The following U2SURP variants were observed in gnomAD, a reference collection of about 807,000 sequenced individuals.
The protein encoded by U2SURP is U2 snRNP-associated SURP motif-containing protein.
U2SURP carries 9 observed loss-of-function variants against 144.9 expected under a neutral mutation model. That is an observed-to-expected ratio of 0.06 (90% CI 0.04 to 0.11). U2SURP has a LOEUF of 0.11. Ranked by LOEUF, U2SURP falls within the 10% of genes least tolerant of loss-of-function variation. U2SURP has a pLI of 1.00. For missense variants in U2SURP, 724 were observed against 1,226.7 expected, an observed-to-expected ratio of 0.59 and a Z score of 6.12; for synonymous variants, 408 against 396.8, an observed-to-expected ratio of 1.03 and a Z score of -0.33.
intron 8 of U2SURP, 95 bp from the exon 9 acceptor site, chr3:143,021,255 C>T: frequency 7.4e-7 from 1 of 1,342,812 alleles, no homozygotes; most frequent in Non-Finnish European, 1.0e-6. Flanking sequence ...CTCAGAAATA[C>T]CTTACTGTAA....
In U2SURP at chr3:143,028,616, A is replaced by G; in HGVS notation, c.1580A>G (p.Glu527Gly). The change falls in exon 16 of 28, where the codon GAA (glutamate) becomes GGA (glycine). Residue 527 changes from glutamate to glycine, a missense_variant. Around this residue, in one of 13 missense-constraint regions of U2SURP, gnomAD observed 66 missense variants for 95.0 expected, o/e 0.69. Transcript: ENST00000473835. ...EEQETEAFVEEPSKKGALKEE... is the reference protein window; with the variant it reads ...EEQETEAFVEGPSKKGALKEE... ...CAAGAAACAGAAGCTTTTGTAGAGG[A>G]ACCTAGTAAAAAGGGAGCACTTAAG... 2 of 1,604,830 alleles carry G rather than the reference A, an allele frequency of 1.2e-6. No homozygotes were observed. Among genetic ancestry groups the G allele is most frequent in the Non-Finnish European group, 1.7e-6 (2 of 1,177,586 alleles).
At chr3:143,054,437 A>G (rs1017812050) in intron 26 of U2SURP, among the ~76,000 whole-genome samples, 11 of 152,200 alleles carry the variant, frequency 7.2e-5, no homozygotes, top group Non-Finnish European at 1.3e-4. Flanking sequence ...AAAGTCTGTC[A>G]CTTTTTTGAC....
rs1208128825 is a variant in U2SURP, at chr3:143,059,551, T to TATC, written c.*3110_*3112dup. On this transcript the variant is annotated 3_prime_UTR_variant, in exon 28 of 28. Transcript: ENST00000473835. ...AAATTATATGACCGTGACAATAGTT[T>TATC]ATCATCATCATTATTGTTATTCAAA... The TATC allele has an allele frequency of 6.6e-6, 1 of 151,928 alleles. No homozygotes were observed. Among genetic ancestry groups the TATC allele is most frequent in the Non-Finnish European group, 1.5e-5 (1 of 67,842 alleles). The allele number at this position is 151,928 out of a possible 1,614,324, so 9.4% of individuals were successfully genotyped here. A position where few individuals can be genotyped will look rare whatever the true frequency, so the allele number is the denominator to read the frequency against.
intron 1 of U2SURP, among the ~76,000 whole-genome samples, chr3:143,002,046 C>T (rs1310410436): frequency 1.3e-5 from 2 of 152,200 alleles, no homozygotes; most frequent in Admixed American, 1.3e-4. Context: ...AATCGCTTCC[C>T]GGTGCTTAAA....
At chr3:143,010,975 C>A in intron 2 of U2SURP, 116 bp downstream of exon 2, 4 of 697,882 alleles carry the variant, frequency 5.7e-6, no homozygotes, top group Non-Finnish European at 8.6e-6. Flanking sequence ...GTGCTTTTTT[C>A]TTTTACTCTT....
rs1021398113 is a variant in U2SURP, at chr3:143,004,576, C to CCG, written c.45+2904_45+2905insGC. On this transcript the variant is annotated intron_variant, in intron 1 of 27. Coordinates refer to ENST00000473835, the MANE Select transcript of U2SURP (RefSeq NM_001080415.2). Reference sequence around the variant, plus strand: ...CTGTTGGCCTCTTGACCTTGTGACCCCCCCCCCCCGCCTCGGCCTCCCAAA... The same window carrying CCG: ...CTGTTGGCCTCTTGACCTTGTGACCCCGCCCCCCCCCGCCTCGGCCTCCCAAA... 1.7e-5 allele frequency among the ~76,000 whole-genome samples: 2 copies of CCG among 120,164 alleles called. 1 individual carries two copies. Among genetic ancestry groups the CCG allele is most frequent in the African/African-American group, 6.9e-5 (2 of 28,888 alleles). The allele number at this position is 120,164 out of a possible 152,430, so 78.8% of individuals were successfully genotyped here.
intron 23 of U2SURP, among the ~76,000 whole-genome samples, chr3:143,041,221 A>G (rs1387487572): frequency 6.6e-6 from 1 of 151,976 alleles, no homozygotes; most frequent in Non-Finnish European, 1.5e-5. Flanking sequence ...CTGTTTACAT[A>G]AACACACATA....
At chr3:143,029,398 T>G (rs1474988910) in intron 16 of U2SURP, among the ~76,000 whole-genome samples, 1 of 152,238 alleles carries the variant, frequency 6.6e-6, no homozygotes, top group Non-Finnish European at 1.5e-5. Flanking sequence ...CTGTCACATT[T>G]TCATAATTCT....
At chr3:143,014,447 T>G in intron 4 of U2SURP, 38 bp downstream of exon 4, 1 of 1,403,650 alleles carries the variant, frequency 7.1e-7, no homozygotes, top group Non-Finnish European at 9.9e-7. Context: ...TCCTTGGAAA[T>G]GAATGTGTCT....
intron 27 of U2SURP, 103 bp from the exon 28 acceptor site, chr3:143,056,209 T>C: frequency 1.6e-6 from 2 of 1,249,398 alleles, no homozygotes; most frequent in Non-Finnish European, 2.2e-6. Context: ...TGCAGTGATT[T>C]TTCACTGTGC....
chr3:143,007,365 G>A (rs986883043), intron 1 of U2SURP, among the ~76,000 whole-genome samples: 8 of 149,148 alleles, frequency 5.4e-5, no homozygotes, highest in African/African-American at 7.5e-5. Context: ...TCGAGCAGTC[G>A]TCCCACCTCA....
intron 1 of U2SURP, among the ~76,000 whole-genome samples, chr3:143,006,952 T>C (rs994016232): frequency 6.6e-6 from 1 of 152,130 alleles, no homozygotes; most frequent in Non-Finnish European, 1.5e-5. Context: ...AATGGTAGTG[T>C]TGGAGGAATG....
At chr3:143,050,740 C>A (rs1230327810) in intron 24 of U2SURP, among the ~76,000 whole-genome samples, 199 bp from the exon 25 acceptor site, 1 of 152,058 alleles carries the variant, frequency 6.6e-6, no homozygotes, top group Non-Finnish European at 1.5e-5. Flanking sequence ...GTTTTTGAGT[C>A]CTCTCATGAC....
Position 143,056,612 on chromosome 3 carries a change from A to C in U2SURP, c.*162A>C. ...AACTCATGAGCAACTGCATCTGTAG[A>C]TCTGTCATTGTTTTATATTGTGTAA... On this transcript the variant is annotated 3_prime_UTR_variant, in exon 28 of 28. Transcript: ENST00000473835. 1.4e-6 allele frequency: 1 copy of C among 725,174 alleles called. No individual in the cohort carries two copies. The allele number at this position is 725,174 out of a possible 1,614,324, so 44.9% of individuals were successfully genotyped here. A position where few individuals can be genotyped will look rare whatever the true frequency, so the allele number is the denominator to read the frequency against.
chr3:143,032,085 T>C (rs578116967), intron 16 of U2SURP, among the ~76,000 whole-genome samples: 44 of 151,766 alleles, frequency 2.9e-4, no homozygotes, highest in Middle Eastern at 3.4e-3. Flanking sequence ...TTTTTTTTTT[T>C]CCCCTGAGAT....
intron 25 of U2SURP, among the ~76,000 whole-genome samples, chr3:143,051,773 G>A (rs1934879967): frequency 6.6e-6 from 1 of 152,094 alleles, no homozygotes. Flanking sequence ...CCTGTGGAAT[G>A]CTAGTACTGC....
intron 8 of U2SURP, among the ~76,000 whole-genome samples, chr3:143,020,904 TATAAC>T (rs1297030146): frequency 2.6e-5 from 4 of 151,866 alleles, no homozygotes; most frequent in African/African-American, 9.7e-5. Flanking sequence ...ATAGAACAAT[TATAAC>T]AATATACTGA....
chr3:143,033,141 A>G (rs146586505), intron 17 of U2SURP, 130 bp from the exon 18 acceptor site: 2 of 822,748 alleles, frequency 2.4e-6, no homozygotes, highest in East Asian at 2.7e-5. Context: ...AACAAATTTC[A>G]TCTCTGCCAG....
At chr3:143,037,590 AATATT>A (rs1045425201) in intron 21 of U2SURP, among the ~76,000 whole-genome samples, 8 of 152,080 alleles carry the variant, frequency 5.3e-5, no homozygotes, top group African/African-American at 1.9e-4. Context: ...AGCCTCCTAT[AATATT>A]AGCAAGTTTC....
Sources: allele counts gnomAD v4.1 joint callset (sites outside exome capture counted in the v4.1 genomes callset), GRCh38; gene constraint gnomAD v4.1.1; regional missense constraint gnomAD v4.1.1; transcripts MANE v1.5; gene names NCBI Gene and HGNC (gene_info 2026-07-23, HGNC 2026-07-21).